Variants in SH3GL3 observed in about 807,000 individuals in gnomAD.
The protein encoded by SH3GL3 is SH3 domain containing GRB2 like 3, endophilin A3.
Under a neutral mutation model 47.7 loss-of-function variants are expected in SH3GL3, and 33 were observed. The ratio of observed to expected loss-of-function variants is 0.69; its 90% CI spans 0.52 to 0.92. The LOEUF is 0.92. Among genes scored for constraint, SH3GL3 ranks in the 40% least tolerant of loss-of-function variants. SH3GL3 has a pLI of 0.00. For missense variants in SH3GL3, 363 were observed against 417.8 expected (o/e 0.87, Z 1.14); for synonymous variants, 155 against 148.8 (o/e 1.04, Z -0.30).
At chr15:83,566,657 C>G (rs1364086026) in intron 3 of SH3GL3, among the ~76,000 whole-genome samples, 1 of 152,104 alleles carries the variant, frequency 6.6e-6, no homozygotes, top group Non-Finnish European at 1.5e-5. Flanking sequence ...GTCTGTAGTC[C>G]TATTTTTACT....
rs145506159 is a variant in SH3GL3 at position 83,518,572 on chromosome 15, T to C, written c.46-40681T>C. Among the ~76,000 whole-genome samples, 6 of 152,330 alleles carry C rather than the reference T, an allele frequency of 3.9e-5. No homozygotes were observed. In the East Asian group the frequency reaches 1.2e-3, roughly 29 times the overall value. On this transcript the variant is annotated intron_variant, in intron 1 of 8. Transcript: ENST00000427482. The stretch of plus-strand genomic sequence containing the variant: ...GTGTTTATTCATTTATTTTGCTCAT[T>C]TTTCAATGGGGTTATTTGTTTTTTG...
At position 83,588,755 on chromosome 15, in the gene SH3GL3, T is replaced by C; in HGVS notation, c.822T>C (p.Ser274=). ...SSELNGVSTT[S]VVKTTGSNIP... ...AGCTCAATGGAGTTTCCACCACCTC[T>C]GTAGTGAAGACGACAGGTAAGTTGA... is the stretch of plus-strand genomic sequence containing the variant. Residue 274 remains serine (S), a synonymous_variant, in exon 8 of 9, where the codon TCT becomes TCC. Coordinates refer to ENST00000427482, the MANE Select transcript of SH3GL3 (RefSeq NM_003027.5). The C allele has an allele frequency of 1.9e-6, 3 of 1,595,226 alleles. No homozygotes were observed. Among genetic ancestry groups the C allele is most frequent in the Non-Finnish European group, 2.6e-6 (3 of 1,162,782 alleles).
intron 1 of SH3GL3, among the ~76,000 whole-genome samples, chr15:83,557,028 C>T (rs2044997636): frequency 6.6e-6 from 1 of 152,190 alleles, no homozygotes; most frequent in South Asian, 2.1e-4. Context: ...TTTGTGAGTA[C>T]TGATTTGGAA....
At chr15:83,499,741 AT>A (rs2042221653) in intron 1 of SH3GL3, among the ~76,000 whole-genome samples, 2 of 152,202 alleles carry the variant, frequency 1.3e-5, no homozygotes, top group Non-Finnish European at 2.9e-5. Context: ...TGAGTAAATG[AT>A]TATTAGTGTT....
chr15:83,570,421 T>C (rs868551760), intron 4 of SH3GL3, among the ~76,000 whole-genome samples: 6 of 152,190 alleles, frequency 3.9e-5, no homozygotes, highest in Admixed American at 6.5e-5. Context: ...TTTAATATAT[T>C]ATTTACTAAA....
intron 1 of SH3GL3, among the ~76,000 whole-genome samples, chr15:83,521,982 A>T (rs1253790209): frequency 6.6e-6 from 1 of 152,148 alleles, no homozygotes. Flanking sequence ...TTGCTGGAAT[A>T]GTGGTGCTAT....
At chr15:83,569,168 A>G (rs1232764008) in intron 4 of SH3GL3, among the ~76,000 whole-genome samples, 3 of 152,178 alleles carry the variant, frequency 2.0e-5, no homozygotes, top group Non-Finnish European at 4.4e-5. Flanking sequence ...AACTGCTGGG[A>G]TTACAGGAGT....
chr15:83,580,658 A>T (rs745552933), intron 6 of SH3GL3, among the ~76,000 whole-genome samples: 3 of 152,250 alleles, frequency 2.0e-5, no homozygotes, highest in Non-Finnish European at 4.4e-5. Context: ...GTGCTGAAGG[A>T]CATGGCCTGG....
chr15:83,629,173 T>C, the SH3GL3 span, among the ~76,000 whole-genome samples: 3 of 152,240 alleles, frequency 2.0e-5, no homozygotes, highest in African/African-American at 7.2e-5. Context: ...ATACATTCAA[T>C]GTAATTCAAA....
intron 1 of SH3GL3, among the ~76,000 whole-genome samples, chr15:83,558,466 A>G (rs1030430816): frequency 2.7e-5 from 4 of 146,382 alleles, no homozygotes; most frequent in African/African-American, 1.0e-4. Context: ...CTTGGGCAAC[A>G]TTTTTGGTTG....
intron 1 of SH3GL3, among the ~76,000 whole-genome samples, chr15:83,529,050 G>A (rs1054993708): frequency 4.6e-5 from 6 of 131,294 alleles, no homozygotes; most frequent in African/African-American, 1.1e-4. Context: ...GTGTAGTCTC[G>A]GTATGATTTA....
chr15:83,631,201 C>A, the SH3GL3 span, among the ~76,000 whole-genome samples: 2 of 152,232 alleles, frequency 1.3e-5, no homozygotes, highest in African/African-American at 4.8e-5. Flanking sequence ...GCTCCCACAG[C>A]CTTGGGCAGC....
chr15:83,583,343 G>T (rs2115542), intron 6 of SH3GL3, among the ~76,000 whole-genome samples: 2 of 152,180 alleles, frequency 1.3e-5, no homozygotes, highest in South Asian at 4.1e-4. Context: ...GAGGAGGAGG[G>T]TTCCCAGCCC....
chr15:83,553,631 C>T (rs2044778848), intron 1 of SH3GL3, among the ~76,000 whole-genome samples: 2 of 151,972 alleles, frequency 1.3e-5, no homozygotes, highest in Admixed American at 1.3e-4. Context: ...TAGGAGTTAC[C>T]ATTAGTTATA....
intron 8 of SH3GL3, among the ~76,000 whole-genome samples, chr15:83,615,845 G>T (rs114736597): frequency 0.015 from 2,249 of 152,010 alleles, 53 homozygotes; most frequent in African/African-American, 0.051. Context: ...ACCTCATTTT[G>T]CCAAAATCCA....
chr15:83,496,062 A>G (rs2042064423), intron 1 of SH3GL3, among the ~76,000 whole-genome samples: 1 of 151,978 alleles, frequency 6.6e-6, no homozygotes, highest in African/African-American at 2.4e-5. Flanking sequence ...ATTTAATGTC[A>G]TTAAAAAACC....
chr15:83,560,122 C>A (rs972725328), intron 2 of SH3GL3, among the ~76,000 whole-genome samples: 4 of 152,132 alleles, frequency 2.6e-5, no homozygotes, highest in African/African-American at 7.2e-5. Context: ...TTAGACCCCC[C>A]ACCCCAGAGG....
intron 1 of SH3GL3, among the ~76,000 whole-genome samples, chr15:83,534,372 G>T (rs1241739126): frequency 6.6e-6 from 1 of 152,124 alleles, no homozygotes; most frequent in African/African-American, 2.4e-5. Context: ...TACTTCTAGT[G>T]CAGCAGTGTC....
intron 1 of SH3GL3, among the ~76,000 whole-genome samples, chr15:83,492,214 C>T (rs556723239): frequency 3.4e-4 from 46 of 133,980 alleles, no homozygotes; most frequent in African/African-American, 1.2e-3. Context: ...ACCTGGGAAT[C>T]GGAGGTTGCA....
Sources: gnomAD v4.1 joint callset for allele counts (sites outside exome capture counted in the v4.1 genomes callset) on GRCh38, gnomAD v4.1.1 for gene constraint, MANE v1.5 for transcripts, NCBI Gene and HGNC (gene_info 2026-07-23, HGNC 2026-07-21) for gene names.